DCAKD: variants seen among roughly 807,000 people sequenced by gnomAD.
DCAKD encodes the protein dephospho-CoA kinase domain containing.
In DCAKD, 15 loss-of-function variants were observed where a neutral mutation model predicts 18.7. The observed-to-expected ratio is 0.80, with a 90% CI of 0.54 to 1.24. The LOEUF (loss-of-function observed/expected upper bound fraction) is 1.24. Ranked by LOEUF, DCAKD falls within the 50% of genes most tolerant of loss-of-function variation. The pLI is 0.00. For missense variants in DCAKD, 301 were observed against 322.0 expected (o/e 0.93, Z 0.50); for synonymous variants, 130 against 133.0 (o/e 0.98, Z 0.16).
rs2053235936 is a variant in DCAKD, at chr17:45,034,220, T to A, written c.283A>T (p.Met95Leu). 6.2e-7 allele frequency: 1 copy of A among 1,613,530 alleles called. No individual in the cohort carries two copies. The highest frequency in any genetic ancestry group is 2.2e-5 in the East Asian group (1 of 44,850). ...AITHPEIRKE[M>L]MKETFKYFLR... ...AAGTACTTGAACGTCTCCTTCATCA[T>A]CTCCTTGCGAATCTCGGGGTGGGTG... The change falls in exon 3 of 5, where the codon ATG (methionine) becomes TTG (leucine). Residue 95 changes from methionine to leucine, a missense_variant. Physicochemically the swap from Met to Leu is conservative, Grantham distance 15. Coordinates refer to ENST00000651974, the MANE Select transcript of DCAKD (RefSeq NM_001288655.2).
At chr17:45,044,562 C>T (rs527407810) in intron 1 of DCAKD, among the ~76,000 whole-genome samples, 3 of 152,060 alleles carry the variant, frequency 2.0e-5, no homozygotes, top group Non-Finnish European at 2.9e-5. Flanking sequence ...TGTGGTGGCA[C>T]GTGCCTGTAG....
At chr17:45,059,816 G>T (rs2053828626) in intron 1 of DCAKD, among the ~76,000 whole-genome samples, 1 of 152,080 alleles carries the variant, frequency 6.6e-6, no homozygotes, top group Admixed American at 6.6e-5. Flanking sequence ...TGTCAAAAAG[G>T]TCAATATGGC....
At chr17:45,031,395 G>A in intron 3 of DCAKD, 1 of 976,214 alleles carries the variant, frequency 1.0e-6, no homozygotes, top group Non-Finnish European at 1.2e-6. Flanking sequence ...ATGTGACCTT[G>A]GGCCCCCTTT....
intron 4 of DCAKD, among the ~76,000 whole-genome samples, chr17:45,029,776 A>G (rs977674351): frequency 1.3e-5 from 2 of 152,134 alleles, no homozygotes; most frequent in African/African-American, 2.4e-5. Flanking sequence ...AAGGTGCTAC[A>G]GGAGGAAGAA....
At chr17:45,058,494 A>G (rs2053811739) in intron 1 of DCAKD, among the ~76,000 whole-genome samples, 1 of 151,710 alleles carries the variant, frequency 6.6e-6, no homozygotes, top group Non-Finnish European at 1.5e-5. Context: ...ATCTTGGCTT[A>G]CTGCAACCTC....
At chr17:45,050,726 G>A (rs1249167620) in intron 1 of DCAKD, among the ~76,000 whole-genome samples, 1 of 151,772 alleles carries the variant, frequency 6.6e-6, no homozygotes, top group Admixed American at 6.5e-5. Context: ...ATATTCAAAG[G>A]CTTCCATTTC....
At chr17:45,035,480 T>TAAAAAA (rs35837364) in intron 1 of DCAKD, among the ~76,000 whole-genome samples, 1 of 86,962 alleles carries the variant, frequency 1.1e-5, no homozygotes, top group Non-Finnish European at 2.2e-5. Context: ...AGATTCCTTC[T>TAAAAAA]AAAAAAAAAA....
intron 1 of DCAKD, among the ~76,000 whole-genome samples, chr17:45,039,708 G>A (rs2053384061): frequency 6.6e-6 from 1 of 152,214 alleles, no homozygotes; most frequent in Admixed American, 6.5e-5. Flanking sequence ...TGAGTGAGAG[G>A]GGCTGGAGTT....
intron 1 of DCAKD, among the ~76,000 whole-genome samples, chr17:45,051,023 G>A (rs2053682772): frequency 1.3e-5 from 2 of 152,206 alleles, no homozygotes; most frequent in South Asian, 4.1e-4. Context: ...CTGAAAATCG[G>A]AGATGATCAC....
At chr17:45,030,329 C>A in intron 3 of DCAKD, 150 bp from the exon 4 acceptor site, 1 of 682,496 alleles carries the variant, frequency 1.5e-6, no homozygotes, top group Non-Finnish European at 2.7e-6. Context: ...GTTCCAATGC[C>A]GTGCAGAACA....
At chr17:45,042,059 T>C (rs2053450832) in intron 1 of DCAKD, among the ~76,000 whole-genome samples, 1 of 151,672 alleles carries the variant, frequency 6.6e-6, no homozygotes, top group South Asian at 2.1e-4. Context: ...GAGGCTGCAG[T>C]GAGCCATGAC....
intron 3 of DCAKD, chr17:45,032,001 G>A: frequency 2.0e-6 from 2 of 985,432 alleles, no homozygotes; most frequent in Non-Finnish European, 2.4e-6. Flanking sequence ...GGTGGTTGGG[G>A]AGGCGGGAGG....
At chr17:45,054,279 G>C (rs987737294), upstream of DCAKD, among the ~76,000 whole-genome samples, 8 of 151,610 alleles carry the variant, frequency 5.3e-5, no homozygotes, top group African/African-American at 1.9e-4. Context: ...ACAGAGTCTG[G>C]CTCTGTTGCC....
At chr17:45,056,986 C>T (rs2053787597) in intron 1 of DCAKD, among the ~76,000 whole-genome samples, 1 of 151,948 alleles carries the variant, frequency 6.6e-6, no homozygotes, top group South Asian at 2.1e-4. Flanking sequence ...CCAGGATGGT[C>T]TCGATCCCCT....
chr17:45,034,485 G>A, intron 2 of DCAKD, 95 bp from the exon 3 acceptor site: 4 of 1,433,750 alleles, frequency 2.8e-6, no homozygotes, highest in Non-Finnish European at 3.8e-6. Flanking sequence ...GGGAACTCGG[G>A]TGCTTCTTTC....
chr17:45,024,404 G>A lies in DCAKD; in HGVS notation c.*29C>T, dbSNP rs1208440916. ...TCAGCCTCCAAGGAGATAGATGGAG[G>A]CCTGGGGCTCCCTGCCTTGAGTGCC... On this transcript the variant is annotated 3_prime_UTR_variant, in exon 5 of 5. Transcript: ENST00000651974. The A allele has an allele frequency of 1.3e-5, 20 of 1,575,294 alleles. No homozygotes were observed. The highest frequency in any genetic ancestry group is 1.5e-5 in the Non-Finnish European group (17 of 1,154,882).
chr17:45,054,252 T>TA (rs1176650526), upstream of DCAKD: 16 of 444,248 alleles, frequency 3.6e-5, no homozygotes, highest in Middle Eastern at 3.5e-4. Context: ...ACAGTTTTAT[T>TA]TATTTTTTTT....
rs547534311 is a variant in DCAKD, at chr17:45,034,483, G to A, written c.113-93C>T. The A allele has an allele frequency of 3.8e-5, 55 of 1,436,616 alleles. 1 individual carries two copies. Among genetic ancestry groups the A allele is most frequent in the Middle Eastern group, 1.8e-4 (1 of 5,446 alleles). 89.0% of individuals were successfully genotyped at this position (1,436,616 alleles called of 1,614,324 possible). Reference sequence around the variant, plus strand: ...CAGGGGCAAAATGATGGGGGAACTCGGGTGCTTCTTTCAGGTGGAGCAAAA... The same window carrying A: ...CAGGGGCAAAATGATGGGGGAACTCAGGTGCTTCTTTCAGGTGGAGCAAAA... On this transcript the variant is annotated intron_variant, in intron 2 of 4. Transcript: ENST00000651974.
intron 1 of DCAKD, among the ~76,000 whole-genome samples, chr17:45,051,031 C>T (rs955192584): frequency 9.9e-5 from 15 of 152,230 alleles, no homozygotes; most frequent in African/African-American, 3.6e-4. Context: ...CGGAGATGAT[C>T]ACTCAGCTCA....
Sources: gnomAD v4.1 joint callset for allele counts (sites outside exome capture counted in the v4.1 genomes callset) on GRCh38, gnomAD v4.1.1 for gene constraint, MANE v1.5 for transcripts, NCBI Gene and HGNC (gene_info 2026-07-23, HGNC 2026-07-21) for gene names.